DDB2: variants seen among roughly 807,000 people sequenced by gnomAD.
DDB2 encodes the protein DNA damage-binding protein 2.
DDB2 carries 27 observed loss-of-function variants against 50.5 expected under a neutral mutation model. The observed-to-expected ratio is 0.53, with a 90% confidence interval of 0.39 to 0.74. The LOEUF (loss-of-function observed/expected upper bound fraction) is 0.74, where lower values mean the gene tolerates loss of function less well. Among genes scored for constraint, DDB2 ranks in the 30% least tolerant of loss-of-function variants. The pLI, the probability that DDB2 is intolerant of heterozygous loss-of-function variation, is 0.00. For missense variants in DDB2, 424 were observed against 545.6 expected, an observed-to-expected ratio of 0.78 and a Z score of 2.22; for synonymous variants, 176 against 205.5, an observed-to-expected ratio of 0.86 and a Z score of 1.23.
At chr11:47,233,683 TG>T in intron 4 of DDB2, among the ~76,000 whole-genome samples, 1 of 147,624 alleles carries the variant, frequency 6.8e-6, no homozygotes. Flanking sequence ...CACTCCATCC[TG>T]GGCAACAAGA....
chr11:47,218,461 A>G (rs1486912728), intron 3 of DDB2, among the ~76,000 whole-genome samples: 2 of 152,236 alleles, frequency 1.3e-5, no homozygotes, highest in Non-Finnish European at 2.9e-5. Flanking sequence ...TGGAGTCAAT[A>G]AAGAAGACTC....
intron 7 of DDB2, chr11:47,235,926 C>CTTTTTTTTTTTT (rs10677833): frequency 1.6e-5 from 1 of 61,824 alleles, no homozygotes; most frequent in Non-Finnish European, 2.7e-5. Flanking sequence ...CAGGCTGATC[C>CTTTTTTTTTTTT]TTTTTTTTTT....
chr11:47,221,409 G>C (rs1953483052), intron 3 of DDB2, among the ~76,000 whole-genome samples: 1 of 151,638 alleles, frequency 6.6e-6, no homozygotes, highest in African/African-American at 2.4e-5. Flanking sequence ...GAGTAGCTGG[G>C]ATTACAGGCA....
Position 47,230,599 on chromosome 11 carries a change from A to G in DDB2, c.457-2215A>G, listed in dbSNP as rs4647729. Among the ~76,000 whole-genome samples the G allele has an allele frequency of 2.2e-4, 34 of 152,298 alleles. No homozygotes were observed. The South Asian group carries it at 6.0e-3, about 27-fold the overall frequency. On this transcript the variant is annotated intron_variant, in intron 3 of 9. Coordinates refer to ENST00000256996, the MANE Select transcript of DDB2 (RefSeq NM_000107.3). The stretch of plus-strand genomic sequence containing the variant: ...GGGAGCCGAAGATTGTCATACTACC[A>G]GCAAGCATTTGGCAGACCATGAGCA...
At chr11:47,229,149 C>T (rs958997147) in intron 3 of DDB2, among the ~76,000 whole-genome samples, 3 of 151,912 alleles carry the variant, frequency 2.0e-5, no homozygotes, top group African/African-American at 7.3e-5. Flanking sequence ...GATGCTGGGG[C>T]CCCTGAAGCT....
At position 47,215,999 on chromosome 11, in the gene DDB2, A is replaced by G. The variant is rs147169471; in HGVS notation, c.128-337A>G. ...TATGTGATTTATAAAATTGTGACCC[A>G]GTCCCATCTCGAGTTTTGCAGCCCA... On this transcript the variant is annotated intron_variant, in intron 1 of 9. Coordinates refer to ENST00000256996, the MANE Select transcript of DDB2 (RefSeq NM_000107.3). 1.9e-4 allele frequency: 81 copies of G among 422,804 alleles called. 1 individual carries two copies. The East Asian group carries it at 3.9e-3, about 20-fold the overall frequency. 26.2% of individuals were successfully genotyped at this position (422,804 alleles called of 1,614,324 possible). A position where few individuals can be genotyped will look rare whatever the true frequency, so the allele number is the denominator to read the frequency against.
In DDB2 at chr11:47,233,148, C is replaced by A. The variant is rs4647745; in HGVS notation, c.602+189C>A. On this transcript the variant is annotated intron_variant, in intron 4 of 9. Transcript: ENST00000256996. ...CCCTCACTTTGGTCCAGGTGGGTTA[C>A]TGCTTTGGGAAGGTGTTCTGGAGCC... The A allele has an allele frequency of 4.3e-6, 3 of 697,500 alleles. No individual in the cohort carries two copies. The African/African-American group carries it at 5.3e-5, about 12-fold the overall frequency. 43.2% of individuals were successfully genotyped at this position (697,500 alleles called of 1,614,324 possible).
chr11:47,226,427 C>A (rs1249419981), intron 3 of DDB2, among the ~76,000 whole-genome samples: 2 of 152,246 alleles, frequency 1.3e-5, no homozygotes, highest in African/African-American at 4.8e-5. Context: ...GCGCACACCA[C>A]CATGCCCGGC....
rs1953753256 is a variant in DDB2, at chr11:47,237,737, A to G, written c.1024-100A>G. Reference sequence around the variant, plus strand: ...GGTGTGAGCCACTGCACTCAGCCCAAAGAATACTTTTGATGTTCCTCTTTG... The same window carrying G: ...GGTGTGAGCCACTGCACTCAGCCCAGAGAATACTTTTGATGTTCCTCTTTG... On this transcript the variant is annotated intron_variant, in intron 7 of 9. Transcript: ENST00000256996. The G allele has an allele frequency of 4.6e-6, 6 of 1,313,728 alleles. No individual in the cohort carries two copies. In the African/African-American group the frequency reaches 7.3e-5, roughly 16 times the overall value. The allele number at this position is 1,313,728 out of a possible 1,614,324, so 81.4% of individuals were successfully genotyped here.
At chr11:47,230,088 A>G (rs1953623040) in intron 3 of DDB2, among the ~76,000 whole-genome samples, 1 of 151,096 alleles carries the variant, frequency 6.6e-6, no homozygotes, top group South Asian at 2.1e-4. Context: ...GCTTGAGCCC[A>G]GGAATTTGAG....
intron 3 of DDB2, 145 bp from the exon 4 acceptor site, chr11:47,232,669 T>C: frequency 2.4e-6 from 2 of 820,264 alleles, no homozygotes; most frequent in South Asian, 1.4e-5. Flanking sequence ...GAAGGCCCTG[T>C]AGAGAGCGTC....
chr11:47,234,485 G>T, intron 4 of DDB2, 88 bp from the exon 5 acceptor site: 1 of 989,954 alleles, frequency 1.0e-6, no homozygotes, highest in South Asian at 1.3e-5. Flanking sequence ...TTGAATGCCC[G>T]CTGTGGGTTA....
chr11:47,216,132 G>A, intron 1 of DDB2: 2 of 757,090 alleles, frequency 2.6e-6, no homozygotes. Flanking sequence ...TACTGTTTGT[G>A]GGAGTGTTTT....
intron 3 of DDB2, among the ~76,000 whole-genome samples, chr11:47,221,904 A>G (rs913856712): frequency 1.3e-5 from 2 of 152,196 alleles, no homozygotes; most frequent in African/African-American, 4.8e-5. Flanking sequence ...TTATATCTTT[A>G]TTGAGGTATA....
At chr11:47,220,931 G>A (rs907429065) in intron 3 of DDB2, among the ~76,000 whole-genome samples, 2 of 152,104 alleles carry the variant, frequency 1.3e-5, no homozygotes, top group Admixed American at 6.6e-5. Context: ...AGGCCGAGGC[G>A]GGTGGATCAC....
chr11:47,229,281 G>A (rs1590996870), intron 3 of DDB2, among the ~76,000 whole-genome samples: 1 of 152,152 alleles, frequency 6.6e-6, no homozygotes, highest in East Asian at 1.9e-4. Context: ...GCATGGAATA[G>A]TGAAGTCTGA....
At chr11:47,237,678 G>A (rs911272789) in intron 7 of DDB2, 159 bp from the exon 8 acceptor site, 17 of 710,628 alleles carry the variant, frequency 2.4e-5, no homozygotes, top group Non-Finnish European at 3.2e-5. Context: ...CTCGTGATCC[G>A]CCTGCCTCAG....
chr11:47,222,365 T>C (rs1261872646), intron 3 of DDB2, among the ~76,000 whole-genome samples: 1 of 152,146 alleles, frequency 6.6e-6, no homozygotes, highest in East Asian at 1.9e-4. Flanking sequence ...TGGTTCATTG[T>C]TTTTTGTTTT....
chr11:47,217,726 C>G (rs1353335750), intron 3 of DDB2, among the ~76,000 whole-genome samples: 1 of 151,988 alleles, frequency 6.6e-6, no homozygotes, highest in Non-Finnish European at 1.5e-5. Context: ...CCCGTCTCTA[C>G]TAAAGATACA....
Sources: allele counts gnomAD v4.1 joint callset (sites outside exome capture counted in the v4.1 genomes callset), GRCh38; gene constraint gnomAD v4.1.1; transcripts MANE v1.5; gene names NCBI Gene and HGNC (gene_info 2026-07-23, HGNC 2026-07-21).